Variants in C2CD3 observed in about 807,000 individuals in gnomAD.
The protein encoded by C2CD3 is C2 domain containing 3 centriole elongation regulator.
A neutral mutation model predicts 234.0 loss-of-function variants in C2CD3; 148 were observed. The ratio of observed to expected loss-of-function variants is 0.63; its 90% CI spans 0.55 to 0.72. The LOEUF (loss-of-function observed/expected upper bound fraction) is 0.72. Ranked by LOEUF, C2CD3 falls within the 30% of genes least tolerant of loss-of-function variation. The pLI is 0.00. For missense variants in C2CD3, 2,577 were observed against 2,811.5 expected, an observed-to-expected ratio of 0.92 and a Z score of 1.89; for synonymous variants, 1,000 against 1,035.4, an observed-to-expected ratio of 0.97 and a Z score of 0.66.
At chr11:74,018,398 T>C (rs1951954112) in intron 32 of C2CD3, among the ~76,000 whole-genome samples, 1 of 152,140 alleles carries the variant, frequency 6.6e-6, no homozygotes, top group Non-Finnish European at 1.5e-5. Flanking sequence ...CCCCACTGTC[T>C]TCCCCCCTTC....
chr11:74,116,856 G>GTATATACACGTGTATATGTATA (rs1565312296), intron 9 of C2CD3, among the ~76,000 whole-genome samples: 4 of 128,942 alleles, frequency 3.1e-5, no homozygotes, highest in African/African-American at 1.2e-4. Context: ...GTGTATATGT[G>GTATATACACGTGTATATGTATA]TATATACACG....
At chr11:74,044,141 C>T (rs1953229699) in intron 28 of C2CD3, among the ~76,000 whole-genome samples, 1 of 151,838 alleles carries the variant, frequency 6.6e-6, no homozygotes, top group Admixed American at 6.6e-5. Context: ...TGCACCCAGT[C>T]CCCTTTATAT....
intron 22 of C2CD3, among the ~76,000 whole-genome samples, chr11:74,078,952 A>G (rs1955200592): frequency 6.6e-6 from 1 of 152,216 alleles, no homozygotes; most frequent in Non-Finnish European, 1.5e-5. Flanking sequence ...GGCTAGAACT[A>G]GTGGTTTATT....
chr11:74,093,938 A>G lies in C2CD3; in HGVS notation c.3222T>C (p.Asn1074=). ...TTLCVPDPIF[N]SEHHHSLLLP... is the part of the protein sequence containing the mutation. ...ACAGGAGAGAGTGATGGTGTTCACTATTAAAGATGGGATCTGGAACACAGA... is the reference window on the plus strand; with the variant it reads ...ACAGGAGAGAGTGATGGTGTTCACTGTTAAAGATGGGATCTGGAACACAGA... The change falls in exon 18 of 33, where the codon AAT becomes AAC. Residue 1074 remains asparagine (N), a synonymous_variant. Coordinates refer to ENST00000334126, the MANE Select transcript of C2CD3 (RefSeq NM_001286577.2). 3 of 1,614,074 alleles carry G rather than the reference A, an allele frequency of 1.9e-6. No individual in the cohort carries two copies. Among genetic ancestry groups the G allele is most frequent in the South Asian group, 1.1e-5 (1 of 91,084 alleles).
intron 4 of C2CD3, 147 bp downstream of exon 4, chr11:74,139,458 C>T: frequency 1.4e-6 from 1 of 709,772 alleles, no homozygotes; most frequent in Non-Finnish European, 2.5e-6. Flanking sequence ...AAACCAGGAC[C>T]AGAGTGGGTG....
chr11:74,058,509 G>A (rs1215810388), intron 24 of C2CD3, among the ~76,000 whole-genome samples: 2 of 151,876 alleles, frequency 1.3e-5, no homozygotes, highest in African/African-American at 2.4e-5. Flanking sequence ...TCTAAAAACT[G>A]GGTACTGAGA....
At chr11:74,054,395 C>CA (rs372878453) in intron 26 of C2CD3, among the ~76,000 whole-genome samples, 6,992 of 140,848 alleles carry the variant, frequency 0.05, 448 homozygotes, top group African/African-American at 0.16. Context: ...AGATCTTGTT[C>CA]AAAAAAAAAA....
chr11:74,136,502 C>T (rs1404856604), intron 5 of C2CD3, among the ~76,000 whole-genome samples: 1 of 152,166 alleles, frequency 6.6e-6, no homozygotes, highest in African/African-American at 2.4e-5. Flanking sequence ...AAGTCTGAGA[C>T]AGTAATAAAT....
intron 30 of C2CD3, chr11:74,036,354 C>T (rs1455098876): frequency 1.1e-5 from 5 of 440,888 alleles, no homozygotes; most frequent in African/African-American, 1.0e-4. Flanking sequence ...ACTGTATCTT[C>T]CTGGGACAAA....
intron 16 of C2CD3, 29 bp downstream of exon 16, chr11:74,097,980 G>T: frequency 1.9e-6 from 3 of 1,591,086 alleles, no homozygotes; most frequent in South Asian, 2.3e-5. Flanking sequence ...ATGAAATAAT[G>T]ACTTTTTGTA....
intron 3 of C2CD3, among the ~76,000 whole-genome samples, chr11:74,152,081 G>A (rs1855702841): frequency 6.6e-6 from 1 of 152,092 alleles, no homozygotes; most frequent in Non-Finnish European, 1.5e-5. Flanking sequence ...ATGTCAAGCA[G>A]TCTAAGATAC....
At chr11:74,142,356 C>CA (rs1222050847) in intron 3 of C2CD3, 3 of 152,122 alleles carry the variant, frequency 2.0e-5, no homozygotes, top group Non-Finnish European at 4.4e-5. Flanking sequence ...TTTCGGAATA[C>CA]AAAGTGATTT....
At chr11:74,099,454 T>C (rs1353465371) in intron 15 of C2CD3, among the ~76,000 whole-genome samples, 1 of 152,230 alleles carries the variant, frequency 6.6e-6, no homozygotes, top group Non-Finnish European at 1.5e-5. Flanking sequence ...TATAGGGTTA[T>C]AGTAAGGTTC....
chr11:74,032,155 G>C (rs1336198903), intron 31 of C2CD3, among the ~76,000 whole-genome samples: 1 of 152,162 alleles, frequency 6.6e-6, no homozygotes, highest in East Asian at 1.9e-4. Flanking sequence ...ATAATTTGGT[G>C]GGTAAGGGAT....
chr11:74,159,020 G>A (rs1020863999), intron 3 of C2CD3, among the ~76,000 whole-genome samples: 4 of 152,122 alleles, frequency 2.6e-5, no homozygotes, highest in Non-Finnish European at 4.4e-5. Context: ...CATGCACCAG[G>A]TAACAACATT....
chr11:74,125,947 G>A lies in C2CD3; in HGVS notation c.1218-2812C>T, dbSNP rs760432949. Among the ~76,000 whole-genome samples, 34 of 152,126 alleles carry A rather than the reference G, an allele frequency of 2.2e-4. No individual in the cohort carries two copies. In the Middle Eastern group the frequency reaches 0.01, roughly 46 times the overall value. ...TGCTCTCTCTCTATGACATATACCC[G>A]AAATCTCCTTCTATCCCTCTTCTGT... On this transcript the variant is annotated intron_variant, in intron 7 of 32. Transcript: ENST00000334126.
intron 29 of C2CD3, among the ~76,000 whole-genome samples, chr11:74,039,140 T>A (rs1317245371): frequency 6.6e-6 from 1 of 152,184 alleles, no homozygotes; most frequent in Non-Finnish European, 1.5e-5. Flanking sequence ...AGGAGGAACA[T>A]GCAAACAAAT....
chr11:74,158,824 T>C (rs917397448), intron 3 of C2CD3, among the ~76,000 whole-genome samples: 3 of 151,964 alleles, frequency 2.0e-5, no homozygotes, highest in African/African-American at 7.3e-5. Flanking sequence ...CCAGTTAGAA[T>C]AGCTATTATC....
intron 20 of C2CD3, among the ~76,000 whole-genome samples, chr11:74,087,462 G>A (rs1288746803): frequency 1.3e-5 from 2 of 152,016 alleles, no homozygotes; most frequent in Non-Finnish European, 2.9e-5. Context: ...CTACTCAGAG[G>A]CTGAGTCAGG....
Sources: gnomAD v4.1 joint callset for allele counts (sites outside exome capture counted in the v4.1 genomes callset) on GRCh38, gnomAD v4.1.1 for gene constraint, MANE v1.5 for transcripts, NCBI Gene and HGNC (gene_info 2026-07-23, HGNC 2026-07-21) for gene names.